Variants in CALN1 observed in about 807,000 individuals in gnomAD.
The protein encoded by CALN1 is calcium-binding protein 8.
Under a neutral mutation model 30.6 loss-of-function variants are expected in CALN1, and 17 were observed. The ratio of observed to expected loss-of-function variants is 0.56; its 90% CI spans 0.38 to 0.83. CALN1 has a LOEUF of 0.83. CALN1 is among the 40% of genes least tolerant of loss of function. The pLI, the probability that CALN1 is intolerant of heterozygous loss-of-function variation, is 0.00. For missense variants in CALN1, 291 were observed against 354.9 expected, an observed-to-expected ratio of 0.82 and a Z score of 1.45; for synonymous variants, 156 against 131.4, an observed-to-expected ratio of 1.19 and a Z score of -1.28.
At chr7:71,812,369 G>A (rs927370502) in intron 5 of CALN1, among the ~76,000 whole-genome samples, 6 of 152,196 alleles carry the variant, frequency 3.9e-5, no homozygotes, top group Non-Finnish European at 7.3e-5. Flanking sequence ...GAGCCAGGCA[G>A]TGAAAAATGA....
intron 5 of CALN1, among the ~76,000 whole-genome samples, chr7:71,932,945 G>A (rs1248022599): frequency 6.6e-6 from 1 of 152,050 alleles, no homozygotes; most frequent in Non-Finnish European, 1.5e-5. Context: ...ATGTCACATT[G>A]ATGTAGGAGT....
chr7:72,304,081 GAAGA>G (rs1444979700), intron 2 of CALN1, among the ~76,000 whole-genome samples: 1 of 152,196 alleles, frequency 6.6e-6, no homozygotes, highest in African/African-American at 2.4e-5. Flanking sequence ...CTGCAAAAAA[GAAGA>G]AAGAAATGAA....
At chr7:72,078,709 G>A (rs1263413952) in intron 4 of CALN1, among the ~76,000 whole-genome samples, 1 of 152,144 alleles carries the variant, frequency 6.6e-6, no homozygotes, top group African/African-American at 2.4e-5. Context: ...ACCAAGGCGG[G>A]CAGACCACCT....
At chr7:71,927,167 G>C (rs1474432577) in intron 5 of CALN1, among the ~76,000 whole-genome samples, 1 of 152,170 alleles carries the variant, frequency 6.6e-6, no homozygotes, top group Admixed American at 6.5e-5. Flanking sequence ...TTTAGCCTTT[G>C]TTGTTGCTAT....
chr7:72,310,165 G>A (rs562321599), intron 2 of CALN1, among the ~76,000 whole-genome samples: 1 of 151,844 alleles, frequency 6.6e-6, no homozygotes, highest in African/African-American at 2.4e-5. Flanking sequence ...CTAGTAGATT[G>A]GTCTGGTTTT....
At chr7:72,374,078 A>C (rs1489216908) in intron 2 of CALN1, among the ~76,000 whole-genome samples, 2 of 152,236 alleles carry the variant, frequency 1.3e-5, no homozygotes, top group Non-Finnish European at 2.9e-5. Context: ...AACAAAGAGA[A>C]TTTCTTGCCA....
intron 5 of CALN1, among the ~76,000 whole-genome samples, chr7:71,909,321 G>A (rs76133500): frequency 0.024 from 3,583 of 152,170 alleles, 129 homozygotes; most frequent in African/African-American, 0.078. Context: ...TTCTCATTGC[G>A]GCAAGCCATC....
intron 3 of CALN1, among the ~76,000 whole-genome samples, chr7:72,140,332 AAGGAAGGAAGGGAGGGAGGGAGGGAGGG>A (rs1350838101): frequency 6.1e-5 from 5 of 82,602 alleles, no homozygotes; most frequent in East Asian, 8.4e-4. Context: ...AGAAAGGGAG[AAGGAAGGAAGGGAGGGAGGGAGGGAGGG>A]AGGGAGGGAG....
chr7:71,821,448 C>T (rs926695298), intron 5 of CALN1, among the ~76,000 whole-genome samples: 3 of 151,896 alleles, frequency 2.0e-5, no homozygotes, highest in Non-Finnish European at 2.9e-5. Context: ...TACATGGCAG[C>T]GGGCAAAAAA....
chr7:71,986,376 TA>T (rs1798674492), intron 5 of CALN1, among the ~76,000 whole-genome samples: 1 of 152,206 alleles, frequency 6.6e-6, no homozygotes, highest in Non-Finnish European at 1.5e-5. Context: ...AGATAAATCT[TA>T]AAAAGCATCT....
intron 3 of CALN1, among the ~76,000 whole-genome samples, chr7:72,168,451 G>C (rs958907662): frequency 3.3e-5 from 5 of 152,152 alleles, no homozygotes; most frequent in African/African-American, 9.7e-5. Context: ...ATTTTCTAAT[G>C]AATCTACAGC....
At chr7:72,402,555 T>C (rs1301132889) in intron 2 of CALN1, among the ~76,000 whole-genome samples, 3 of 152,154 alleles carry the variant, frequency 2.0e-5, no homozygotes, top group Non-Finnish European at 4.4e-5. Flanking sequence ...AAGATCAAAA[T>C]TGTGTTCTAT....
chr7:72,334,487 A>T (rs1304790499), intron 2 of CALN1, among the ~76,000 whole-genome samples: 3 of 152,160 alleles, frequency 2.0e-5, no homozygotes, highest in Non-Finnish European at 1.5e-5. Flanking sequence ...TGTAAAACTC[A>T]ACAATGAACA....
At chr7:71,971,953 A>AAGAAAGAAAGAAAGAAAGAAAG (rs1797838362) in intron 5 of CALN1, among the ~76,000 whole-genome samples, 1 of 72,838 alleles carries the variant, frequency 1.4e-5, no homozygotes, top group Non-Finnish European at 2.2e-5. Context: ...AAAAAAAAAA[A>AAGAAAGAAAGAAAGAAAGAAAG]AAAGAAAGAA....
intron 5 of CALN1, among the ~76,000 whole-genome samples, chr7:71,868,842 G>A (rs1791752495): frequency 6.6e-6 from 1 of 152,282 alleles, no homozygotes; most frequent in African/African-American, 2.4e-5. Context: ...CCTATTAATA[G>A]TAAAAGAGAA....
intron 3 of CALN1, among the ~76,000 whole-genome samples, chr7:72,181,523 G>A (rs1789808166): frequency 6.8e-6 from 1 of 147,906 alleles, no homozygotes; most frequent in African/African-American, 2.5e-5. Flanking sequence ...CTGTCACCCA[G>A]GCTGGAGTGC....
intron 5 of CALN1, among the ~76,000 whole-genome samples, chr7:71,906,626 T>C (rs532337197): frequency 1.3e-5 from 2 of 152,218 alleles, no homozygotes; most frequent in East Asian, 1.9e-4. Context: ...AAGCTTGATG[T>C]AGTCAAGCAC....
chr7:71,855,136 A>C (rs1173808544), intron 5 of CALN1, among the ~76,000 whole-genome samples: 1 of 152,230 alleles, frequency 6.6e-6, no homozygotes. Context: ...AATTGTATGC[A>C]TCAATGCATG....
Position 72,278,828 on chromosome 7 carries a change from G to C in CALN1, c.120-18C>G. 1 of 1,594,858 alleles carries C rather than the reference G, an allele frequency of 6.3e-7. No individual in the cohort carries two copies. Among genetic ancestry groups the C allele is most frequent in the Non-Finnish European group, 8.6e-7 (1 of 1,163,882 alleles). On this transcript the variant is annotated intron_variant, in intron 2 of 6. Transcript: ENST00000395275. ...TCTTTTCCCTGCCCAAGAGAGAACA[G>C]GGGAGGGGAAAAGAAAGACATCATC...
Sources: allele counts gnomAD v4.1 joint callset (sites outside exome capture counted in the v4.1 genomes callset), GRCh38; gene constraint gnomAD v4.1.1; transcripts MANE v1.5; gene names NCBI Gene and HGNC (gene_info 2026-07-23, HGNC 2026-07-21).